The following ELAPOR2 variants were observed in gnomAD, a reference collection of about 807,000 sequenced individuals.
The protein encoded by ELAPOR2 is endosome-lysosome associated apoptosis and autophagy regulator family member 2.
ELAPOR2 carries 89 observed loss-of-function variants against 120.7 expected under a neutral mutation model. The observed-to-expected ratio is 0.74, with a 90% CI of 0.62 to 0.88. The LOEUF (loss-of-function observed/expected upper bound fraction) is 0.88. Ranked by LOEUF, ELAPOR2 falls within the 40% of genes least tolerant of loss-of-function variation. The pLI is 0.00. For synonymous variants in ELAPOR2, 444 were observed against 444.9 expected, an observed-to-expected ratio of 1.00 and a Z score of 0.03; for missense variants, 1,134 against 1,251.6, an observed-to-expected ratio of 0.91 and a Z score of 1.42.
chr7:87,026,634 C>A (rs767932618), intron 1 of ELAPOR2, among the ~76,000 whole-genome samples: 10 of 151,826 alleles, frequency 6.6e-5, no homozygotes, highest in Non-Finnish European at 1.5e-4. Context: ...TGCCGTAAGC[C>A]TATAAAGGAG....
intron 1 of ELAPOR2, among the ~76,000 whole-genome samples, chr7:87,017,091 C>T (rs60851079): frequency 0.1 from 15,365 of 152,054 alleles, 842 homozygotes; most frequent in Admixed American, 0.13. Context: ...ATGTTGAAGA[C>T]GAAATTTGTA....
chr7:86,988,685 A>T (rs1390636774), intron 1 of ELAPOR2, among the ~76,000 whole-genome samples: 1 of 152,170 alleles, frequency 6.6e-6, no homozygotes, highest in Non-Finnish European at 1.5e-5. Context: ...GTTTTCAAAA[A>T]GTATGTGTCA....
At chr7:86,917,706 G>A (rs1789629779) in intron 12 of ELAPOR2, among the ~76,000 whole-genome samples, 1 of 151,990 alleles carries the variant, frequency 6.6e-6, no homozygotes, top group South Asian at 2.1e-4. Context: ...CTTCATTTAA[G>A]CTATCAGTAA....
chr7:87,050,108 A>G lies in ELAPOR2; in HGVS notation c.189+9217T>C, dbSNP rs533582247. Among the ~76,000 whole-genome samples the G allele has an allele frequency of 2.6e-5, 4 of 152,308 alleles. No homozygotes were observed. In the East Asian group the frequency reaches 7.7e-4, roughly 29 times the overall value. On this transcript the variant is annotated intron_variant, in intron 1 of 21. Coordinates refer to ENST00000450689, the MANE Select transcript of ELAPOR2 (RefSeq NM_001142749.3). ...CCTGGAGGCAAATAAATTACTGTTCATTATAACTTACCCAATCTATGGTAT... is the reference window on the plus strand; with the variant it reads ...CCTGGAGGCAAATAAATTACTGTTCGTTATAACTTACCCAATCTATGGTAT...
rs1584357339 is a variant in ELAPOR2, at chr7:86,925,448, T to C, written c.1399+80A>G. On this transcript the variant is annotated intron_variant, in intron 10 of 21. Transcript: ENST00000450689. ...TGAAGTTCCTCATACCCATACTTGG[T>C]ATGTTTTAGAGAGCTAAGTTCAAGA... The C allele has an allele frequency of 6.2e-6, 9 of 1,443,052 alleles. No homozygotes were observed. In the East Asian group the frequency reaches 1.9e-4, roughly 30 times the overall value. The allele number at this position is 1,443,052 out of a possible 1,614,324, so 89.4% of individuals were successfully genotyped here.
intron 8 of ELAPOR2, among the ~76,000 whole-genome samples, chr7:86,934,533 T>C (rs555334468): frequency 3.3e-5 from 5 of 152,044 alleles, no homozygotes. Context: ...CCACTCTAAT[T>C]TCTGCAAATA....
At chr7:86,897,465 A>G in intron 19 of ELAPOR2, 41 bp downstream of exon 19, 1 of 1,593,532 alleles carries the variant, frequency 6.3e-7, no homozygotes, top group Non-Finnish European at 8.5e-7. Context: ...AGATTAACCA[A>G]CTATAATGCC....
chr7:86,962,394 A>C (rs983653859), intron 2 of ELAPOR2, among the ~76,000 whole-genome samples: 1 of 152,190 alleles, frequency 6.6e-6, no homozygotes, highest in Non-Finnish European at 1.5e-5. Context: ...GTTCCACACA[A>C]TCACTCTCCT....
chr7:87,036,990 T>A (rs1794609339), intron 1 of ELAPOR2, among the ~76,000 whole-genome samples: 1 of 152,168 alleles, frequency 6.6e-6, no homozygotes. Context: ...TATATCATAC[T>A]CCAGATTTAC....
intron 21 of ELAPOR2, among the ~76,000 whole-genome samples, chr7:86,887,523 C>T (rs772444301): frequency 1.4e-4 from 21 of 152,032 alleles, no homozygotes; most frequent in South Asian, 1.0e-3. Context: ...GCTAACTCTA[C>T]CCATACATTG....
chr7:87,004,523 G>A (rs1294837327), intron 1 of ELAPOR2, among the ~76,000 whole-genome samples: 1 of 152,112 alleles, frequency 6.6e-6, no homozygotes, highest in Admixed American at 6.6e-5. Context: ...TCTTTGACAG[G>A]CTGTTGTACA....
At chr7:87,012,282 T>G (rs559816284) in intron 1 of ELAPOR2, among the ~76,000 whole-genome samples, 1 of 152,120 alleles carries the variant, frequency 6.6e-6, no homozygotes, top group Non-Finnish European at 1.5e-5. Context: ...TGGTGGCGCA[T>G]GCCTGTAGTC....
intron 1 of ELAPOR2, among the ~76,000 whole-genome samples, chr7:87,041,752 C>T (rs1420825130): frequency 2.0e-5 from 3 of 151,712 alleles, no homozygotes; most frequent in Non-Finnish European, 4.4e-5. Context: ...ATCAAATTCA[C>T]ACATAACAAT....
intron 5 of ELAPOR2, chr7:86,941,433 AG>A (rs1562934608): frequency 1.9e-6 from 1 of 514,048 alleles, no homozygotes; most frequent in Non-Finnish European, 4.1e-6. Context: ...CAGAGAAGGT[AG>A]AATTTTAACC....
intron 3 of ELAPOR2, among the ~76,000 whole-genome samples, chr7:86,946,259 T>C (rs1002661445): frequency 6.6e-6 from 1 of 152,048 alleles, no homozygotes; most frequent in Admixed American, 6.6e-5. Context: ...TTGGTAAACA[T>C]GTAGAATAAC....
At chr7:87,007,955 C>A (rs1374627165) in intron 1 of ELAPOR2, among the ~76,000 whole-genome samples, 2 of 152,144 alleles carry the variant, frequency 1.3e-5, no homozygotes, top group Non-Finnish European at 2.9e-5. Flanking sequence ...AAGTTAGAAA[C>A]CCATTAAAGG....
chr7:86,958,700 A>G (rs1791579266), intron 2 of ELAPOR2, among the ~76,000 whole-genome samples: 1 of 152,164 alleles, frequency 6.6e-6, no homozygotes, highest in African/African-American at 2.4e-5. Context: ...GCATCAGGTT[A>G]AAGAACTTCT....
chr7:86,941,355 G>C (rs766471986), intron 5 of ELAPOR2: 1 of 532,594 alleles, frequency 1.9e-6, no homozygotes, highest in Non-Finnish European at 3.9e-6. Context: ...TTGTTACCTG[G>C]TAATTGCCTT....
chr7:86,881,985 T>A (rs866841175), intron 21 of ELAPOR2, among the ~76,000 whole-genome samples: 12 of 152,134 alleles, frequency 7.9e-5, no homozygotes, highest in Non-Finnish European at 8.8e-5. Context: ...ATCCAAGAGC[T>A]TTAGGGCTAC....
Sources: allele counts gnomAD v4.1 joint callset (sites outside exome capture counted in the v4.1 genomes callset), GRCh38; gene constraint gnomAD v4.1.1; transcripts MANE v1.5; gene names NCBI Gene and HGNC (gene_info 2026-07-23, HGNC 2026-07-21).